The following CBX3 variants were observed in gnomAD, a reference collection of about 807,000 sequenced individuals.
CBX3 encodes the protein chromobox 3.
In CBX3, 5 loss-of-function variants were observed where a neutral mutation model predicts 22.6. That is an observed-to-expected ratio of 0.22 (90% CI 0.12 to 0.47). CBX3 has a LOEUF of 0.47. Among genes scored for constraint, CBX3 ranks in the 20% least tolerant of loss-of-function variants. The pLI is 0.99. For synonymous variants in CBX3, 50 were observed against 66.6 expected, an observed-to-expected ratio of 0.75 and a Z score of 1.21; for missense variants, 83 against 208.1, an observed-to-expected ratio of 0.40 and a Z score of 3.70.
intron 2 of CBX3, among the ~76,000 whole-genome samples, chr7:26,205,645 CAT>C (rs1478965700): frequency 1.9e-4 from 29 of 152,040 alleles, no homozygotes; most frequent in African/African-American, 6.0e-4. Flanking sequence ...GGGCTTTTAC[CAT>C]CTGGGGGTGG....
At chr7:26,209,214 G>C (rs1784751477) in intron 4 of CBX3, among the ~76,000 whole-genome samples, 1 of 152,044 alleles carries the variant, frequency 6.6e-6, no homozygotes, top group African/African-American at 2.4e-5. Flanking sequence ...GCCCACCTTT[G>C]ACGACTTGCT....
intron 2 of CBX3, among the ~76,000 whole-genome samples, chr7:26,205,132 C>A (rs1460950478): frequency 2.6e-5 from 4 of 152,174 alleles, no homozygotes; most frequent in African/African-American, 9.7e-5. Context: ...GATTCCTTCT[C>A]AGCCCATAGG....
intron 3 of CBX3, among the ~76,000 whole-genome samples, chr7:26,207,706 C>G (rs1584038299): frequency 6.6e-6 from 1 of 151,870 alleles, no homozygotes; most frequent in Non-Finnish European, 1.5e-5. Flanking sequence ...TTAGCAGAGA[C>G]CGGGTTTCAC....
intron 2 of CBX3, among the ~76,000 whole-genome samples, chr7:26,204,616 T>C (rs1378724844): frequency 6.6e-6 from 1 of 152,260 alleles, no homozygotes; most frequent in East Asian, 1.9e-4. Flanking sequence ...TTTTGCAGTC[T>C]TGAGGCCTTT....
At chr7:26,204,429 G>A (rs1203987942) in intron 2 of CBX3, among the ~76,000 whole-genome samples, 2 of 152,116 alleles carry the variant, frequency 1.3e-5, no homozygotes, top group African/African-American at 4.8e-5. Context: ...CTGTACAGTG[G>A]CAGAAAGCTG....
At position 26,202,993 on chromosome 7, in the gene CBX3, T is replaced by TA; in HGVS notation, c.1dup. The TA allele has an allele frequency of 9.3e-6, 15 of 1,608,004 alleles. No homozygotes were observed. The highest frequency in any genetic ancestry group is 1.3e-5 in the Non-Finnish European group (15 of 1,174,938). On this transcript the variant is annotated 5_prime_UTR_variant, in exon 2 of 6. Coordinates refer to ENST00000396386, the MANE Select transcript of CBX3 (RefSeq NM_016587.4). ...TAGTAATAGCTCTTCAAGTCTGCAATAAAAAATGGCCTCCAACAAAACTAC... is the reference window on the plus strand; with the variant it reads ...TAGTAATAGCTCTTCAAGTCTGCAATAAAAAAATGGCCTCCAACAAAACTAC...
In CBX3 at chr7:26,202,722, T is replaced by C. The variant is rs943832304; in HGVS notation, c.-28-249T>C. ...TAGATTGGAAAAGACATTGGTCCCC[T>C]ATTTTAAGCCATGTGAAGCTGTTTT... On this transcript the variant is annotated intron_variant, in intron 1 of 5. Coordinates refer to ENST00000396386, the MANE Select transcript of CBX3 (RefSeq NM_016587.4). 1.7e-5 allele frequency: 8 copies of C among 461,728 alleles called. No individual in the cohort carries two copies. The South Asian group carries it at 1.7e-4, about 10-fold the overall frequency. 28.6% of individuals were successfully genotyped at this position (461,728 alleles called of 1,614,324 possible).
At position 26,207,905 on chromosome 7, in the gene CBX3, CAG is replaced by C. The variant is rs577035399; in HGVS notation, c.168-487_168-486del. On this transcript the variant is annotated intron_variant, in intron 3 of 5. Coordinates refer to ENST00000396386, the MANE Select transcript of CBX3 (RefSeq NM_016587.4). The stretch of plus-strand genomic sequence containing the variant: ...ATTTGGGTTTACTAATTTGGAGTCT[CAG>C]GGTAGCAAATTAGAATATAGGGCCT... Among the ~76,000 whole-genome samples the C allele has an allele frequency of 9.2e-5, 14 of 151,922 alleles. No homozygotes were observed. In the South Asian group the frequency reaches 2.5e-3, roughly 27 times the overall value.
At chr7:26,206,743 T>TA (rs1784685132) in intron 3 of CBX3, among the ~76,000 whole-genome samples, 1 of 152,192 alleles carries the variant, frequency 6.6e-6, no homozygotes, top group South Asian at 2.1e-4. Context: ...GTCAAATTTA[T>TA]AAAATTATGG....
chr7:26,202,693 G>T (rs912124494), intron 1 of CBX3: 1 of 394,994 alleles, frequency 2.5e-6, no homozygotes, highest in Non-Finnish European at 4.5e-6. Context: ...TTATAAATGG[G>T]ACTTAGATTG....
rs1584043126 is a variant in CBX3, at chr7:26,212,675, C to T, written c.*467C>T. Reference sequence around the variant, plus strand: ...TAAGCATTCACCCAAACAAAAAAATCACAGGTAAACCCATGTTTCTGAGAT... The same window carrying T: ...TAAGCATTCACCCAAACAAAAAAATTACAGGTAAACCCATGTTTCTGAGAT... On this transcript the variant is annotated 3_prime_UTR_variant, in exon 6 of 6. Transcript: ENST00000396386. 6.6e-6 allele frequency: 1 copy of T among 152,166 alleles called. No homozygotes were observed. Among genetic ancestry groups the T allele is most frequent in the East Asian group, 1.9e-4 (1 of 5,206 alleles). The allele number at this position is 152,166 out of a possible 1,614,324, so 9.4% of individuals were successfully genotyped here.
Position 26,212,238 on chromosome 7 carries a change from A to G in CBX3, c.*30A>G, listed in dbSNP as rs769212843. The G allele has an allele frequency of 6.4e-6, 7 of 1,089,418 alleles. No individual in the cohort carries two copies. The East Asian group carries it at 1.9e-4, about 29-fold the overall frequency. 67.5% of individuals were successfully genotyped at this position (1,089,418 alleles called of 1,614,324 possible). On this transcript the variant is annotated 3_prime_UTR_variant, in exon 6 of 6. Transcript: ENST00000396386. ...TCACATTGTTCTTTTATATATATTT[A>G]TATATATATATAAAAATTGGGTCTT... is the stretch of plus-strand genomic sequence containing the variant.
At chr7:26,209,602 G>C (rs954607924) in intron 4 of CBX3, among the ~76,000 whole-genome samples, 8 of 152,066 alleles carry the variant, frequency 5.3e-5, no homozygotes, top group African/African-American at 1.7e-4. Flanking sequence ...TTTGAAGTCT[G>C]TAATCTTTGA....
chr7:26,206,046 C>A, intron 2 of CBX3: 1 of 221,134 alleles, frequency 4.5e-6, no homozygotes, highest in South Asian at 6.4e-5. Flanking sequence ...GCTGAGATCA[C>A]GCCACTGCAC....
intron 2 of CBX3, among the ~76,000 whole-genome samples, chr7:26,204,376 A>G (rs1226188126): frequency 6.6e-6 from 1 of 151,976 alleles, no homozygotes; most frequent in Admixed American, 6.6e-5. Flanking sequence ...TGTCTATTAC[A>G]GTTTGTCTTT....
intron 2 of CBX3, among the ~76,000 whole-genome samples, chr7:26,205,576 A>G (rs544563324): frequency 6.6e-6 from 1 of 152,198 alleles, no homozygotes; most frequent in East Asian, 1.9e-4. Flanking sequence ...TTCTGCATTT[A>G]TCTTTTCTCT....
chr7:26,204,153 AAAAG>A (rs1644746133), intron 2 of CBX3, among the ~76,000 whole-genome samples: 1 of 152,182 alleles, frequency 6.6e-6, no homozygotes, highest in Admixed American at 6.5e-5. Flanking sequence ...TATATACTAT[AAAAG>A]AAAATAGTGA....
At chr7:26,208,842 A>T (rs888881594) in intron 4 of CBX3, among the ~76,000 whole-genome samples, 2 of 135,864 alleles carry the variant, frequency 1.5e-5, no homozygotes, top group Non-Finnish European at 3.0e-5. Flanking sequence ...CTGGTCTTGA[A>T]CTCCTGACCT....
chr7:26,211,888 G>C (rs1784808788), intron 5 of CBX3, 132 bp downstream of exon 5: 2 of 848,008 alleles, frequency 2.4e-6, no homozygotes, highest in Admixed American at 6.5e-5. Context: ...TTTACTAGTA[G>C]TGTTTTAAAG....
Sources: gnomAD v4.1 joint callset for allele counts (sites outside exome capture counted in the v4.1 genomes callset) on GRCh38, gnomAD v4.1.1 for gene constraint, MANE v1.5 for transcripts, NCBI Gene and HGNC (gene_info 2026-07-23, HGNC 2026-07-21) for gene names.